MICU2: variants seen among roughly 807,000 people sequenced by gnomAD.
MICU2 encodes the protein calcium uptake protein 2, mitochondrial.
In MICU2, 64 loss-of-function variants were observed where a neutral mutation model predicts 60.4. The ratio of observed to expected loss-of-function variants is 1.06; its 90% CI spans 0.87 to 1.31. MICU2 has a LOEUF of 1.31. Among genes scored for constraint, MICU2 ranks in the 50% most tolerant of loss-of-function variants. The pLI, the probability that MICU2 is intolerant of heterozygous loss-of-function variation, is 0.00. For synonymous variants in MICU2, 201 were observed against 175.0 expected, an observed-to-expected ratio of 1.15 and a Z score of -1.17; for missense variants, 569 against 531.0, an observed-to-expected ratio of 1.07 and a Z score of -0.70.
At chr13:21,525,909 T>C (rs1047608561) in intron 4 of MICU2, among the ~76,000 whole-genome samples, 3 of 123,438 alleles carry the variant, frequency 2.4e-5, no homozygotes, top group African/African-American at 5.8e-5. Context: ...AATTGTGATG[T>C]AGTCTTATTT....
At position 21,533,112 on chromosome 13, in the gene MICU2, G is replaced by A. The variant is rs78040061; in HGVS notation, c.466+6190C>T. On this transcript the variant is annotated intron_variant, in intron 4 of 11. Coordinates refer to ENST00000382374, the MANE Select transcript of MICU2 (RefSeq NM_152726.3). ...GATAGCAAAGACAGACAAGATGGAT[G>A]CAGCTGTAAGATGCAGATGCAACAG... Among the ~76,000 whole-genome samples, 157 of 152,248 alleles carry A rather than the reference G, an allele frequency of 1.0e-3. 2 individuals carry two copies. The East Asian group carries it at 0.03, about 29-fold the overall frequency.
intron 7 of MICU2, among the ~76,000 whole-genome samples, chr13:21,512,521 C>T (rs1360761546): frequency 1.3e-5 from 2 of 148,184 alleles, no homozygotes; most frequent in African/African-American, 2.5e-5. Flanking sequence ...GATCTCGGCT[C>T]CCTGCGAGCT....
At chr13:21,499,016 T>C (rs1300928597) in intron 9 of MICU2, among the ~76,000 whole-genome samples, 2 of 152,148 alleles carry the variant, frequency 1.3e-5, no homozygotes, top group Non-Finnish European at 2.9e-5. Flanking sequence ...AGTGGCGTGA[T>C]CTTGGCTCAC....
intron 2 of MICU2, among the ~76,000 whole-genome samples, chr13:21,544,532 A>AAAAAAAC (rs560934524): frequency 2.0e-4 from 27 of 132,584 alleles, no homozygotes; most frequent in East Asian, 8.8e-4. Context: ...AAAAAAAAAA[A>AAAAAAAC]AACTCAATAC....
chr13:21,595,706 T>G (rs1171860442), intron 1 of MICU2, among the ~76,000 whole-genome samples: 1 of 152,254 alleles, frequency 6.6e-6, no homozygotes, highest in South Asian at 2.1e-4. Context: ...TACAGACTAG[T>G]TGTGGCCTGT....
chr13:21,535,638 T>C (rs1887112300), intron 4 of MICU2, among the ~76,000 whole-genome samples: 1 of 151,272 alleles, frequency 6.6e-6, no homozygotes. Flanking sequence ...TCAGTTAATA[T>C]TAAATCTTAC....
intron 9 of MICU2, 36 bp from the exon 10 acceptor site, chr13:21,496,196 G>A: frequency 6.9e-7 from 1 of 1,441,294 alleles, no homozygotes; most frequent in Non-Finnish European, 9.7e-7. Flanking sequence ...AATTTTGTAA[G>A]TACATTAAAT....
At chr13:21,598,946 A>G (rs913576391) in intron 1 of MICU2, among the ~76,000 whole-genome samples, 17 of 152,170 alleles carry the variant, frequency 1.1e-4, no homozygotes, top group African/African-American at 4.1e-4. Flanking sequence ...CGGACCACAC[A>G]ACAGGAGGTG....
chr13:21,551,144 T>C (rs552227887), intron 2 of MICU2, among the ~76,000 whole-genome samples: 2 of 152,320 alleles, frequency 1.3e-5, no homozygotes, highest in South Asian at 4.1e-4. Flanking sequence ...CTGACTCCCT[T>C]GCTTCTCTTT....
At chr13:21,503,774 CTTGAT>C (rs1292846172) in intron 8 of MICU2, among the ~76,000 whole-genome samples, 3 of 152,208 alleles carry the variant, frequency 2.0e-5, no homozygotes, top group Non-Finnish European at 4.4e-5. Context: ...AAACGTTGCA[CTTGAT>C]TTATTTATAA....
chr13:21,519,300 C>T (rs148406910), intron 6 of MICU2, among the ~76,000 whole-genome samples: 94 of 152,254 alleles, frequency 6.2e-4, no homozygotes, highest in Non-Finnish European at 1.0e-3. Context: ...TCAGGTGATC[C>T]GCCTGCCTCA....
intron 1 of MICU2, among the ~76,000 whole-genome samples, chr13:21,596,257 G>A (rs1888689015): frequency 6.6e-6 from 1 of 152,080 alleles, no homozygotes; most frequent in African/African-American, 2.4e-5. Context: ...AAGAAGGGGA[G>A]ATCTTAAGAC....
At chr13:21,555,838 A>G (rs987639316) in intron 2 of MICU2, among the ~76,000 whole-genome samples, 5 of 152,284 alleles carry the variant, frequency 3.3e-5, no homozygotes, top group African/African-American at 1.2e-4. Flanking sequence ...CTTCCATTAG[A>G]TGTCATGTGG....
At chr13:21,518,261 T>C (rs1413630670) in intron 6 of MICU2, among the ~76,000 whole-genome samples, 1 of 152,232 alleles carries the variant, frequency 6.6e-6, no homozygotes, top group East Asian at 1.9e-4. Context: ...CAATAAGGAC[T>C]GTATGGTAAA....
intron 1 of MICU2, among the ~76,000 whole-genome samples, chr13:21,584,376 G>A (rs1023679306): frequency 5.4e-5 from 8 of 147,356 alleles, no homozygotes; most frequent in Admixed American, 1.4e-4. Flanking sequence ...GTGACAGAGC[G>A]AGACTCCATC....
intron 9 of MICU2, among the ~76,000 whole-genome samples, chr13:21,501,799 G>A (rs896064249): frequency 6.6e-6 from 1 of 152,140 alleles, no homozygotes; most frequent in Non-Finnish European, 1.5e-5. Context: ...TCCTGCCACA[G>A]CCTCTGAGCG....
At position 21,522,379 on chromosome 13, in the gene MICU2, A is replaced by C. The variant is rs769044068; in HGVS notation, c.514+224T>G. 1.1e-4 allele frequency among the ~76,000 whole-genome samples: 16 copies of C among 152,324 alleles called. 1 individual carries two copies. Among genetic ancestry groups the C allele is most frequent in the Admixed American group, 2.0e-4 (3 of 15,296 alleles). On this transcript the variant is annotated intron_variant, in intron 5 of 11. Transcript: ENST00000382374. ...TACCACTATGATTCTCTAGTTCAAC[A>C]AACTTCCTATTAAAGAGACAAAGCT...
chr13:21,603,770 G>A lies in MICU2; in HGVS notation c.210+169C>T, dbSNP rs931630452. The A allele has an allele frequency of 2.1e-5, 15 of 717,510 alleles. No individual in the cohort carries two copies. In the Admixed American group the frequency reaches 3.6e-4, roughly 17 times the overall value. The allele number at this position is 717,510 out of a possible 1,614,324, so 44.4% of individuals were successfully genotyped here. ...AGGCCCTCGGGGACTCAGGCCGGGG[G>A]CCGGTCCAGGAAGGAGCGAGTCCCA... On this transcript the variant is annotated intron_variant, in intron 1 of 11. Transcript: ENST00000382374.
chr13:21,523,666 G>A (rs1376404808), intron 4 of MICU2, among the ~76,000 whole-genome samples: 1 of 152,204 alleles, frequency 6.6e-6, no homozygotes. Flanking sequence ...CTGATGCAGG[G>A]ATGGGCAAGT....
Sources: allele counts gnomAD v4.1 joint callset (sites outside exome capture counted in the v4.1 genomes callset), GRCh38; gene constraint gnomAD v4.1.1; transcripts MANE v1.5; gene names NCBI Gene and HGNC (gene_info 2026-07-23, HGNC 2026-07-21).